The following MDGA1 variants were observed in gnomAD, a reference collection of about 807,000 sequenced individuals.
The protein encoded by MDGA1 is MAM domain-containing glycosylphosphatidylinositol anchor protein 1.
A neutral mutation model predicts 101.5 loss-of-function variants in MDGA1; 54 were observed. That is an observed-to-expected ratio of 0.53 (90% confidence interval 0.43 to 0.67). The LOEUF is 0.67. MDGA1 is among the 30% of genes least tolerant of loss of function. The pLI is 0.00. For missense variants in MDGA1, 1,083 were observed against 1,323.8 expected (o/e 0.82, Z 2.82); for synonymous variants, 533 against 558.3 (o/e 0.95, Z 0.64).
At chr6:37,694,116 C>T (rs1762370010) in intron 1 of MDGA1, among the ~76,000 whole-genome samples, 1 of 152,202 alleles carries the variant, frequency 6.6e-6, no homozygotes, top group Non-Finnish European at 1.5e-5. Context: ...GGCAGAGGGG[C>T]AGGGGCAGGG....
intron 1 of MDGA1, among the ~76,000 whole-genome samples, chr6:37,684,108 T>G (rs1762149918): frequency 6.6e-6 from 1 of 152,212 alleles, no homozygotes; most frequent in Non-Finnish European, 1.5e-5. Flanking sequence ...ACCTGTGCCA[T>G]CGGGAGAAGG....
intron 1 of MDGA1, among the ~76,000 whole-genome samples, chr6:37,675,064 C>G (rs1761949521): frequency 6.6e-6 from 1 of 152,050 alleles, no homozygotes; most frequent in African/African-American, 2.4e-5. Flanking sequence ...CTCAAAAAAG[C>G]AAAAACAGCA....
chr6:37,677,032 T>C (rs1761995197), intron 1 of MDGA1, among the ~76,000 whole-genome samples: 1 of 152,122 alleles, frequency 6.6e-6, no homozygotes, highest in African/African-American at 2.4e-5. Flanking sequence ...AGGCTTACAG[T>C]GTCTTATTAA....
chr6:37,637,579 G>T, intron 16 of MDGA1, 120 bp from the exon 17 acceptor site: 1 of 792,394 alleles, frequency 1.3e-6, no homozygotes, highest in Middle Eastern at 2.6e-4. Context: ...CTGAGGGTGG[G>T]CACTGGCCTC....
intron 1 of MDGA1, among the ~76,000 whole-genome samples, chr6:37,683,901 A>G (rs1762145271): frequency 6.6e-6 from 1 of 152,216 alleles, no homozygotes. Flanking sequence ...CTATGAGTCC[A>G]AGTGTGTTTT....
chr6:37,693,266 G>A (rs1762351600), intron 1 of MDGA1, among the ~76,000 whole-genome samples: 1 of 152,186 alleles, frequency 6.6e-6, no homozygotes, highest in African/African-American at 2.4e-5. Context: ...TCAACACCCG[G>A]GAGATGACAC....
intron 3 of MDGA1, 141 bp from the exon 4 acceptor site, chr6:37,656,037 G>A (rs934933391): frequency 1.2e-5 from 8 of 649,460 alleles, no homozygotes; most frequent in African/African-American, 1.8e-5. Context: ...AGCCCTGCAA[G>A]CTTAACTAAC....
At chr6:37,657,441 T>C (rs1327845555) in intron 3 of MDGA1, among the ~76,000 whole-genome samples, 1 of 152,220 alleles carries the variant, frequency 6.6e-6, no homozygotes, top group Non-Finnish European at 1.5e-5. Context: ...GTCCAGGCTA[T>C]GCCTGCCAGC....
At chr6:37,661,178 C>T (rs1036016615) in intron 2 of MDGA1, among the ~76,000 whole-genome samples, 6 of 152,188 alleles carry the variant, frequency 3.9e-5, no homozygotes, top group African/African-American at 1.2e-4. Context: ...AGCTCCCAGC[C>T]ATGGATGGAC....
At chr6:37,686,771 C>T (rs1581631580) in intron 1 of MDGA1, among the ~76,000 whole-genome samples, 1 of 152,212 alleles carries the variant, frequency 6.6e-6, no homozygotes, top group Non-Finnish European at 1.5e-5. Flanking sequence ...TAACATGCAG[C>T]CAAGTTTGAG....
At chr6:37,694,825 C>A (rs1415149495) in intron 1 of MDGA1, among the ~76,000 whole-genome samples, 1 of 152,128 alleles carries the variant, frequency 6.6e-6, no homozygotes, top group Non-Finnish European at 1.5e-5. Context: ...GCACACCCAG[C>A]CCACTTTGAT....
At chr6:37,659,101 C>A (rs537808106) in intron 2 of MDGA1, among the ~76,000 whole-genome samples, 1 of 152,082 alleles carries the variant, frequency 6.6e-6, no homozygotes, top group African/African-American at 2.4e-5. Flanking sequence ...CCAACAGCCG[C>A]GTGAGTTAGC....
Position 37,650,116 on chromosome 6 carries a change from G to A in MDGA1, c.1602C>T (p.Asn534=), listed in dbSNP as rs804815. Residue 534 remains asparagine, a synonymous_variant, in exon 8 of 17, where the codon AAC becomes AAT. Transcript: ENST00000434837. ...VRPREAQVQL[N]VQFPPEVEPS... is the part of the protein sequence containing the mutation. ...GTGGCGTGGTGGACTCACACTGCACGTTCAGCTGCACCTGGGCCTCACGGG... is the reference window on the plus strand; with the variant it reads ...GTGGCGTGGTGGACTCACACTGCACATTCAGCTGCACCTGGGCCTCACGGG... The A allele has an allele frequency of 5.2e-3, 8,403 of 1,607,770 alleles. 344 individuals carry two copies. In the African/African-American group the frequency reaches 0.096, roughly 18 times the overall value.
intron 2 of MDGA1, among the ~76,000 whole-genome samples, chr6:37,660,966 G>A (rs1048095907): frequency 6.6e-6 from 1 of 152,142 alleles, no homozygotes; most frequent in Non-Finnish European, 1.5e-5. Context: ...TCAGGTTAGG[G>A]TTTCCTCACT....
At chr6:37,693,891 G>A (rs920838138) in intron 1 of MDGA1, among the ~76,000 whole-genome samples, 4 of 152,354 alleles carry the variant, frequency 2.6e-5, no homozygotes, top group East Asian at 3.9e-4. Flanking sequence ...TGGCCAAACT[G>A]AGAGTGCTGC....
In MDGA1 at chr6:37,696,876, GC is replaced by G; in HGVS notation, c.-66del. ...CCGAGAGGCGGCGGGGGGCGCATTCGCCGGGGCCCCGCGACGCCCCTATGTC... is the reference window on the plus strand; with the variant it reads ...CCGAGAGGCGGCGGGGGGCGCATTCGCGGGGCCCCGCGACGCCCCTATGTC... On this transcript the variant is annotated 5_prime_UTR_variant, in exon 1 of 17. Transcript: ENST00000434837. The surrounding 1 kb of genome is among the most constrained non-coding windows in gnomAD (Gnocchi z 5.6). 2.1e-6 allele frequency: 3 copies of G among 1,422,112 alleles called. No homozygotes were observed. The highest frequency in any genetic ancestry group is 2.5e-5 in the South Asian group (2 of 81,384). 88.1% of individuals were successfully genotyped at this position (1,422,112 alleles called of 1,614,324 possible).
intron 6 of MDGA1, 25 bp downstream of exon 6, chr6:37,654,249 T>G: frequency 6.6e-7 from 1 of 1,518,362 alleles, no homozygotes; most frequent in Non-Finnish European, 8.8e-7. Context: ...ACAACTTCCC[T>G]CCCACCCCTT....
chr6:37,649,870 A>ATTTTTTTTTTTTTTT, intron 8 of MDGA1: 1 of 635,418 alleles, frequency 1.6e-6, no homozygotes, highest in Non-Finnish European at 2.9e-6. Context: ...AAATCAAGTA[A>ATTTTTTTTTTTTTTT]TTTTTTTTTT....
Position 37,630,717 on chromosome 6 carries a change from C to T in MDGA1, c.*6651G>A, listed in dbSNP as rs1763810849. On this transcript the variant is annotated 3_prime_UTR_variant, in exon 17 of 17. Transcript: ENST00000434837. ...TTTATTATATCCCATGACGATGGGT[C>T]AGGAATTTGGACAGAGCTTGGCCGA... 5 of 152,200 alleles carry T rather than the reference C, an allele frequency of 3.3e-5. No homozygotes were observed. The South Asian group carries it at 1.0e-3, about 32-fold the overall frequency. The allele number at this position is 152,200 out of a possible 1,614,324, so 9.4% of individuals were successfully genotyped here.
Sources: gnomAD v4.1 joint callset for allele counts (sites outside exome capture counted in the v4.1 genomes callset) on GRCh38, gnomAD v4.1.1 for gene constraint, Gnocchi (gnomAD v3.1) non-coding constraint, MANE v1.5 for transcripts, NCBI Gene and HGNC (gene_info 2026-07-23, HGNC 2026-07-21) for gene names.